Variants in HMCN2 observed in about 807,000 individuals in gnomAD.
HMCN2 encodes the protein hemicentin-2.
HMCN2 carries 325 observed loss-of-function variants against 377.5 expected under a neutral mutation model. The observed-to-expected ratio is 0.86, with a 90% CI of 0.79 to 0.94. The LOEUF (loss-of-function observed/expected upper bound fraction) is 0.94, where lower values mean the gene tolerates loss of function less well. HMCN2 is among the 40% of genes least tolerant of loss of function. The probability of loss-of-function intolerance (pLI) is 0.00; values close to 1 mark genes in which losing one functional copy is unlikely to be tolerated. For synonymous variants in HMCN2, 2,007 were observed against 2,046.8 expected (o/e 0.98, Z 0.53); for missense variants, 4,543 against 4,725.3 (o/e 0.96, Z 1.13).
chr9:130,408,193 A>G (rs6597658), intron 83 of HMCN2, among the ~76,000 whole-genome samples: 142,297 of 152,234 alleles, frequency 0.93, 66,666 homozygotes, highest in East Asian at 1. Flanking sequence ...GGGGGAATGA[A>G]CAGCCCCAGG....
rs1258537549 is a variant in HMCN2, at chr9:130,394,947, T to C, written c.10693-80T>C. 9 of 948,434 alleles carry C rather than the reference T, an allele frequency of 9.5e-6. No homozygotes were observed. The highest frequency in any genetic ancestry group is 1.7e-5 in the African/African-American group (1 of 58,594). The allele number at this position is 948,434 out of a possible 1,614,324, so 58.8% of individuals were successfully genotyped here. A position where few individuals can be genotyped will look rare whatever the true frequency, so the allele number is the denominator to read the frequency against. ...GGGCTGAGTTTGAATCCTGGGTCCC[T>C]CGATGCATGAGAAAGAAACCAGATT... On this transcript the variant is annotated intron_variant, in intron 69 of 97. Coordinates refer to ENST00000683500, the MANE Select transcript of HMCN2 (RefSeq NM_001291815.2). This position sits in a 1 kb window ranked among gnomAD's most constrained non-coding sequence, Gnocchi z 5.1.
At chr9:130,335,133 T>C (rs947116811) in intron 22 of HMCN2, among the ~76,000 whole-genome samples, 2 of 152,128 alleles carry the variant, frequency 1.3e-5, no homozygotes, top group East Asian at 3.9e-4. Flanking sequence ...TGAAGCACAG[T>C]TGAACCTCGG....
Position 130,365,872 on chromosome 9 carries a change from T to C in HMCN2, c.6506-4T>C. On this transcript the variant is annotated splice_polypyrimidine_tract_variant and splice_region_variant and intron_variant, in intron 42 of 97. Coordinates refer to ENST00000683500, the MANE Select transcript of HMCN2 (RefSeq NM_001291815.2). The stretch of plus-strand genomic sequence containing the variant: ...CCACTAACTCTCTCTCTGCTCTGAC[T>C]CAGTTGCTCCAGTGTTCCCCTTGAG... 1 of 985,238 alleles carries C rather than the reference T, an allele frequency of 1.0e-6. No individual in the cohort carries two copies. The highest frequency in any genetic ancestry group is 1.2e-6 in the Non-Finnish European group (1 of 829,720). 61.0% of individuals were successfully genotyped at this position (985,238 alleles called of 1,614,324 possible).
chr9:130,390,869 C>A, intron 62 of HMCN2, 108 bp from the exon 63 acceptor site: 1 of 701,530 alleles, frequency 1.4e-6, no homozygotes, highest in Non-Finnish European at 1.8e-6. Flanking sequence ...AGAGACTGGG[C>A]TGGGGAAGGT....
chr9:130,278,060 C>T (rs1353725518), intron 1 of HMCN2, among the ~76,000 whole-genome samples: 3 of 149,636 alleles, frequency 2.0e-5, no homozygotes, highest in Admixed American at 6.7e-5. Context: ...ATTACCACCA[C>T]CACCACCACC....
chr9:130,424,675 G>A (rs1844222263), intron 87 of HMCN2, 101 bp from the exon 88 acceptor site: 2 of 1,259,786 alleles, frequency 1.6e-6, no homozygotes, highest in Non-Finnish European at 2.1e-6. Flanking sequence ...AAGGGGCTGA[G>A]CTCTCCTGGG....
intron 30 of HMCN2, among the ~76,000 whole-genome samples, chr9:130,352,237 A>T (rs1839767089): frequency 6.6e-6 from 1 of 152,244 alleles, no homozygotes; most frequent in African/African-American, 2.4e-5. Context: ...TTTAATATCG[A>T]AACTGTAAGC....
intron 1 of HMCN2, 60 bp downstream of exon 1, chr9:130,266,197 A>AC (rs71387337): frequency 0.42 from 179,213 of 426,230 alleles, 41,266 homozygotes; most frequent in East Asian, 0.88. Flanking sequence ...CACCTGCCTG[A>AC]CCCCCTCAGT....
intron 77 of HMCN2, 102 bp from the exon 78 acceptor site, chr9:130,402,687 A>G: frequency 1.7e-6 from 1 of 589,742 alleles, no homozygotes; most frequent in South Asian, 1.7e-5. Context: ...CAAAGGAGGC[A>G]GGTTGAGTGA....
chr9:130,424,828 G>A lies in HMCN2; in HGVS notation c.13434G>A (p.Leu4478=). 1.3e-6 allele frequency: 2 copies of A among 1,522,866 alleles called. No individual in the cohort carries two copies. Among genetic ancestry groups the A allele is most frequent in the South Asian group, 1.2e-5 (1 of 80,428 alleles). 94.3% of individuals were successfully genotyped at this position (1,522,866 alleles called of 1,614,324 possible). The stretch of plus-strand genomic sequence containing the variant: ...CCATCGCCCCCATCTACTGGGCCCT[G>A]GCCAGAGAGAGTGGGGAAGCCCTGA... ...VVTIAPIYWA[L]ARESGEALNG... The change falls in exon 88 of 98, where the codon CTG becomes CTA. Residue 4478 remains leucine, a synonymous_variant. Transcript: ENST00000683500.
In HMCN2 at chr9:130,302,992, G is replaced by C. The variant is rs781799175; in HGVS notation, c.1412G>C (p.Arg471Thr). The change falls in exon 9 of 98, where the codon AGG becomes ACG. Residue 471 changes from arginine (R) to threonine (T), a missense_variant. By Grantham distance (71) the Arg-to-Thr change is moderately conservative (BLOSUM62 -1). Coordinates refer to ENST00000683500, the MANE Select transcript of HMCN2 (RefSeq NM_001291815.2). ...RRGEARLGEE[R>T]HFQESGNSSW... ...GGTGAAGCCAGGCTGGGCGAAGAGA[G>C]GCACTTTCAGTGAGTGGCCCACGGC... The C allele has an allele frequency of 4.3e-6, 2 of 469,590 alleles. No homozygotes were observed. Among genetic ancestry groups the C allele is most frequent in the South Asian group, 3.1e-5 (2 of 64,362 alleles). The allele number at this position is 469,590 out of a possible 1,614,324, so 29.1% of individuals were successfully genotyped here. A position where few individuals can be genotyped will look rare whatever the true frequency, so the allele number is the denominator to read the frequency against.
chr9:130,334,590 C>A (rs1262595751), intron 22 of HMCN2, among the ~76,000 whole-genome samples: 5 of 66,274 alleles, frequency 7.5e-5, no homozygotes, highest in African/African-American at 1.0e-4. Context: ...CATTTCCTAT[C>A]TTTTTAAGGG....
At chr9:130,343,344 C>T (rs1248299322) in intron 25 of HMCN2, among the ~76,000 whole-genome samples, 2 of 152,186 alleles carry the variant, frequency 1.3e-5, no homozygotes, top group African/African-American at 2.4e-5. Flanking sequence ...GCCTGGGGGG[C>T]GTCTCTAGTC....
rs1381133379 is a variant in HMCN2, at chr9:130,265,914, C to A, written c.36C>A (p.Thr12=). ...GGGCGCCGCTCCTGCGGCTGCTGAC[C>A]GCGGTCTCTGCGGCAGTGGCAGTGG... The part of the protein sequence containing the change: ...MPGAPLLRLL[T]AVSAAVAVAV... The change falls in exon 1 of 98, where the codon ACC becomes ACA. Residue 12 remains threonine (T), a synonymous_variant. Transcript: ENST00000683500. The A allele has an allele frequency of 2.6e-6, 1 of 377,894 alleles. No individual in the cohort carries two copies. The highest frequency in any genetic ancestry group is 5.2e-6 in the Non-Finnish European group (1 of 191,296). 23.4% of individuals were successfully genotyped at this position (377,894 alleles called of 1,614,324 possible).
chr9:130,299,119 C>T lies in HMCN2; in HGVS notation c.1107C>T (p.Leu369=), dbSNP rs781889037. 1 of 471,242 alleles carries T rather than the reference C, an allele frequency of 2.1e-6. No individual in the cohort carries two copies. The allele number at this position is 471,242 out of a possible 1,614,324, so 29.2% of individuals were successfully genotyped here. A position where few individuals can be genotyped will look rare whatever the true frequency, so the allele number is the denominator to read the frequency against. The change falls in exon 8 of 98, where the codon CTC becomes CTT. Residue 369 remains leucine (L), a synonymous_variant. Transcript: ENST00000683500. Reference sequence around the variant, plus strand: ...TGGCACAAAGCTCAGGGAAGCCCCTCCTGACTCTGCCCACGAAGCCCCTCT... The same window carrying T: ...TGGCACAAAGCTCAGGGAAGCCCCTTCTGACTCTGCCCACGAAGCCCCTCT... ...VELAQSSGKP[L]LTLPTKPLSN... is the part of the protein sequence containing the mutation.
chr9:130,334,817 C>A (rs1298888782), intron 22 of HMCN2, among the ~76,000 whole-genome samples: 1 of 143,676 alleles, frequency 7.0e-6, no homozygotes, highest in African/African-American at 2.6e-5. Context: ...TCTCTCTCTC[C>A]TCTCTCTCTC....
At chr9:130,287,171 G>A (rs1284923116) in intron 4 of HMCN2, among the ~76,000 whole-genome samples, 2 of 152,108 alleles carry the variant, frequency 1.3e-5, no homozygotes, top group Non-Finnish European at 2.9e-5. Context: ...TCCCGCACAG[G>A]CACCTCTCAC....
At position 130,369,592 on chromosome 9, in the gene HMCN2, C is replaced by T. The variant is rs558798451; in HGVS notation, c.6810C>T (p.Pro2270=). The T allele has an allele frequency of 3.0e-6, 3 of 985,838 alleles. No individual in the cohort carries two copies. Among genetic ancestry groups the T allele is most frequent in the South Asian group, 9.4e-5 (2 of 21,282 alleles). The allele number at this position is 985,838 out of a possible 1,614,324, so 61.1% of individuals were successfully genotyped here. Residue 2270 remains proline, a synonymous_variant, in exon 45 of 98, where the codon CCC becomes CCT. Coordinates refer to ENST00000683500, the MANE Select transcript of HMCN2 (RefSeq NM_001291815.2). The surrounding 1 kb of genome is among the most constrained non-coding windows in gnomAD (Gnocchi z 4.5). ...CAGTTCCCCCTCAGATTGCCGGTCC[C>T]CGGGAGCCTCCCACACAAGTCTCTG... ...EVHVPPQIAG[P]REPPTQVSVV... is the part of the protein sequence containing the mutation.
rs944083458 is a variant in HMCN2 at position 130,431,539 on chromosome 9, C to G, written c.14767+53C>G. On this transcript the variant is annotated intron_variant, in intron 96 of 97. Transcript: ENST00000683500. The stretch of plus-strand genomic sequence containing the variant: ...ACACCCGTGGGGCTAGGGCAGGCAG[C>G]GTGGGATGGGACATGTGGCATCTTA... 5 of 1,530,700 alleles carry G rather than the reference C, an allele frequency of 3.3e-6. No homozygotes were observed. The African/African-American group carries it at 6.9e-5, about 21-fold the overall frequency. The allele number at this position is 1,530,700 out of a possible 1,614,324, so 94.8% of individuals were successfully genotyped here.
Sources: allele counts gnomAD v4.1 joint callset (sites outside exome capture counted in the v4.1 genomes callset), GRCh38; gene constraint gnomAD v4.1.1; non-coding constraint Gnocchi (gnomAD v3.1); transcripts MANE v1.5; gene names NCBI Gene and HGNC (gene_info 2026-07-23, HGNC 2026-07-21).